MAP3K5: variants seen among roughly 807,000 people sequenced by gnomAD.
MAP3K5 encodes mitogen-activated protein kinase kinase kinase 5.
Under a neutral mutation model 158.7 loss-of-function variants are expected in MAP3K5, and 56 were observed. That is an observed-to-expected ratio of 0.35 (90% CI 0.28 to 0.44). The LOEUF (loss-of-function observed/expected upper bound fraction) is 0.44. MAP3K5 is among the 20% of genes least tolerant of loss of function. MAP3K5 has a pLI of 1.00. For missense variants in MAP3K5, 1,294 were observed against 1,674.8 expected (o/e 0.77, Z 3.97); for synonymous variants, 579 against 601.7 (o/e 0.96, Z 0.55).
At chr6:136,652,456 A>G (rs1397221096) in intron 10 of MAP3K5, among the ~76,000 whole-genome samples, 1 of 152,188 alleles carries the variant, frequency 6.6e-6, no homozygotes, top group Non-Finnish European at 1.5e-5. Flanking sequence ...CTTAATTCCA[A>G]TCAACAGAGA....
intron 15 of MAP3K5, among the ~76,000 whole-genome samples, chr6:136,619,201 TA>T (rs1179432644): frequency 1.3e-5 from 2 of 152,030 alleles, no homozygotes; most frequent in Non-Finnish European, 2.9e-5. Context: ...ACATTTGAAT[TA>T]AAGCTTAAGT....
chr6:136,704,487 G>T (rs1703407064), intron 3 of MAP3K5, among the ~76,000 whole-genome samples: 1 of 152,214 alleles, frequency 6.6e-6, no homozygotes, highest in East Asian at 1.9e-4. Flanking sequence ...TGTGGATATA[G>T]GCTGCTTTAG....
At chr6:136,685,164 A>G (rs2114613818) in intron 7 of MAP3K5, among the ~76,000 whole-genome samples, 1 of 152,074 alleles carries the variant, frequency 6.6e-6, no homozygotes, top group East Asian at 1.9e-4. Flanking sequence ...AAAAAAATAC[A>G]AAAAGTAGCT....
At chr6:136,741,656 A>G (rs1046315841) in intron 1 of MAP3K5, among the ~76,000 whole-genome samples, 3 of 152,264 alleles carry the variant, frequency 2.0e-5, no homozygotes, top group African/African-American at 7.2e-5. Context: ...ATAAAATGAG[A>G]AAAAAATAAA....
intron 21 of MAP3K5, among the ~76,000 whole-genome samples, chr6:136,597,443 TCTC>T (rs1775684424): frequency 6.6e-6 from 1 of 152,194 alleles, no homozygotes; most frequent in African/African-American, 2.4e-5. Context: ...TGGTTCTCCT[TCTC>T]CTAGACAGTT....
At chr6:136,738,845 A>C (rs547308097) in intron 1 of MAP3K5, among the ~76,000 whole-genome samples, 2 of 152,190 alleles carry the variant, frequency 1.3e-5, no homozygotes, top group South Asian at 4.2e-4. Context: ...TTCAGTCATC[A>C]GTGCAGCCAA....
intron 18 of MAP3K5, among the ~76,000 whole-genome samples, chr6:136,610,693 T>TA (rs112503301): frequency 5.8e-4 from 74 of 127,120 alleles, no homozygotes; most frequent in South Asian, 5.2e-3. Context: ...AGTTGAGAAT[T>TA]AAAAAAAAAA....
intron 1 of MAP3K5, among the ~76,000 whole-genome samples, chr6:136,782,439 C>A (rs944111853): frequency 6.6e-6 from 1 of 152,198 alleles, no homozygotes; most frequent in Non-Finnish European, 1.5e-5. Context: ...CTGACTATGG[C>A]AGCTCTCCTC....
intron 7 of MAP3K5, among the ~76,000 whole-genome samples, chr6:136,679,720 T>C (rs1779852546): frequency 6.6e-6 from 1 of 152,224 alleles, no homozygotes. Flanking sequence ...CCTATTTTTA[T>C]GATCTGCTGT....
intron 7 of MAP3K5, among the ~76,000 whole-genome samples, chr6:136,687,848 G>A (rs1780216333): frequency 1.3e-5 from 2 of 152,166 alleles, no homozygotes; most frequent in Admixed American, 6.5e-5. Context: ...CAACCATTGT[G>A]GAAGACAGTG....
chr6:136,741,324 A>G (rs899548004), intron 1 of MAP3K5, among the ~76,000 whole-genome samples: 5 of 152,150 alleles, frequency 3.3e-5, no homozygotes, highest in Admixed American at 2.6e-4. Context: ...AAACATACAC[A>G]TGCCCATTTG....
At chr6:136,560,730 T>C (rs899825294) in intron 28 of MAP3K5, among the ~76,000 whole-genome samples, 3 of 151,974 alleles carry the variant, frequency 2.0e-5, no homozygotes, top group Non-Finnish European at 2.9e-5. Context: ...AGAGAATCGC[T>C]TGGGGCCAGG....
chr6:136,647,829 T>A (rs2114372021), intron 11 of MAP3K5: 1 of 152,628 alleles, frequency 6.6e-6, no homozygotes, highest in East Asian at 1.9e-4. Flanking sequence ...CTCGAAGGAC[T>A]CCATGCCTCA....
At chr6:136,768,575 C>A (rs1031990443) in intron 1 of MAP3K5, among the ~76,000 whole-genome samples, 28 of 152,138 alleles carry the variant, frequency 1.8e-4, no homozygotes, top group Non-Finnish European at 2.9e-5. Context: ...GAAACTGGAA[C>A]CTTCATTCAT....
chr6:136,736,652 T>G lies in MAP3K5; in HGVS notation c.449-16063A>C, dbSNP rs144636821. 2.6e-3 allele frequency among the ~76,000 whole-genome samples: 402 copies of G among 152,206 alleles called. 2 individuals carry two copies. The highest frequency in any genetic ancestry group is 0.014 in the Middle Eastern group (4 of 294). On this transcript the variant is annotated intron_variant, in intron 1 of 29. Coordinates refer to ENST00000359015, the MANE Select transcript of MAP3K5 (RefSeq NM_005923.4). ...TTTTTTCTTTCTTTCTTCCAATTGA[T>G]TAAATCTATCAGTAAAGGAATTCGC...
At chr6:136,788,221 C>T (rs1020090513) in intron 1 of MAP3K5, among the ~76,000 whole-genome samples, 5 of 152,106 alleles carry the variant, frequency 3.3e-5, no homozygotes, top group Non-Finnish European at 7.4e-5. Flanking sequence ...ATGGTGCTGG[C>T]TAGCCATATG....
At chr6:136,766,850 G>C (rs1215147612) in intron 1 of MAP3K5, among the ~76,000 whole-genome samples, 1 of 152,066 alleles carries the variant, frequency 6.6e-6, no homozygotes, top group East Asian at 1.9e-4. Flanking sequence ...GCATATTACA[G>C]GAAAATTAAT....
chr6:136,647,616 C>A (rs1778324222), intron 11 of MAP3K5, among the ~76,000 whole-genome samples: 1 of 152,262 alleles, frequency 6.6e-6, no homozygotes, highest in South Asian at 2.1e-4. Context: ...CCAATCATAT[C>A]TCCCACCTCC....
intron 1 of MAP3K5, among the ~76,000 whole-genome samples, chr6:136,777,656 T>G (rs1351575185): frequency 6.6e-6 from 1 of 152,250 alleles, no homozygotes; most frequent in Non-Finnish European, 1.5e-5. Flanking sequence ...TAATGTGACT[T>G]AGAACCTTCA....
Sources: gnomAD v4.1 joint callset for allele counts (sites outside exome capture counted in the v4.1 genomes callset) on GRCh38, gnomAD v4.1.1 for gene constraint, MANE v1.5 for transcripts, NCBI Gene and HGNC (gene_info 2026-07-23, HGNC 2026-07-21) for gene names.